SGCZ: variants seen among roughly 807,000 people sequenced by gnomAD.
SGCZ encodes the protein zeta-sarcoglycan.
SGCZ carries 40 observed loss-of-function variants against 41.3 expected under a neutral mutation model. That is an observed-to-expected ratio of 0.97 (90% CI 0.75 to 1.26). The LOEUF (loss-of-function observed/expected upper bound fraction) is 1.26. SGCZ is among the 50% of genes most tolerant of loss of function. The pLI, the probability that SGCZ is intolerant of heterozygous loss-of-function variation, is 0.00. For synonymous variants in SGCZ, 206 were observed against 137.5 expected, an observed-to-expected ratio of 1.50 and a Z score of -3.49; for missense variants, 552 against 369.8, an observed-to-expected ratio of 1.49 and a Z score of -4.04.
intron 1 of SGCZ, among the ~76,000 whole-genome samples, chr8:14,586,416 G>A (rs1279243358): frequency 6.6e-6 from 1 of 152,110 alleles, no homozygotes; most frequent in Non-Finnish European, 1.5e-5. Context: ...GTTTTTCCAT[G>A]TTGGCCAGGC....
intron 1 of SGCZ, among the ~76,000 whole-genome samples, chr8:14,587,553 A>G (rs1428937777): frequency 6.6e-6 from 1 of 152,196 alleles, no homozygotes; most frequent in East Asian, 1.9e-4. Flanking sequence ...ATATATTGTT[A>G]GTAACTCTTT....
intron 1 of SGCZ, among the ~76,000 whole-genome samples, chr8:14,846,450 A>C (rs571381105): frequency 8.5e-5 from 13 of 152,226 alleles, no homozygotes; most frequent in Non-Finnish European, 1.0e-4. Context: ...AGGAACATAC[A>C]GGAAGAAGAA....
intron 2 of SGCZ, among the ~76,000 whole-genome samples, chr8:14,500,039 G>C (rs990306815): frequency 2.0e-5 from 3 of 152,028 alleles, no homozygotes; most frequent in Middle Eastern, 3.2e-3. Context: ...ATTGCCTCTA[G>C]TTTAAAACCT....
intron 3 of SGCZ, among the ~76,000 whole-genome samples, chr8:14,298,717 C>G (rs1363518895): frequency 6.6e-6 from 1 of 151,930 alleles, no homozygotes; most frequent in Admixed American, 6.6e-5. Flanking sequence ...TGTAATATGT[C>G]AATGTATTGG....
At chr8:14,835,764 G>C (rs1325825078) in intron 1 of SGCZ, among the ~76,000 whole-genome samples, 1 of 152,152 alleles carries the variant, frequency 6.6e-6, no homozygotes, top group Non-Finnish European at 1.5e-5. Context: ...TTACATTCCT[G>C]AGGCCAAAAG....
chr8:14,843,802 T>C (rs1803006204), intron 1 of SGCZ, among the ~76,000 whole-genome samples: 1 of 152,016 alleles, frequency 6.6e-6, no homozygotes. Flanking sequence ...TTGCCTTACA[T>C]TGCCTTATCT....
intron 1 of SGCZ, among the ~76,000 whole-genome samples, chr8:14,781,628 CATAAT>C (rs1458107255): frequency 3.9e-5 from 6 of 152,136 alleles, no homozygotes; most frequent in East Asian, 1.9e-4. Context: ...TTTCTAATAA[CATAAT>C]ATATATAGCA....
rs780989351 is a variant in SGCZ at position 14,108,257 on chromosome 8, C to G, written c.548-22G>C. 2.5e-5 allele frequency: 41 copies of G among 1,610,926 alleles called. No individual in the cohort carries two copies. The East Asian group carries it at 8.7e-4, about 34-fold the overall frequency. On this transcript the variant is annotated intron_variant, in intron 5 of 7. Coordinates refer to ENST00000382080, the MANE Select transcript of SGCZ (RefSeq NM_139167.4). The stretch of plus-strand genomic sequence containing the variant: ...GTGCCTGGGGGTAGCATGAATATAG[C>G]AGTCAGTATAAGCAAGTCCACACAG...
chr8:14,609,529 G>C (rs1805860031), intron 1 of SGCZ, among the ~76,000 whole-genome samples: 1 of 152,144 alleles, frequency 6.6e-6, no homozygotes, highest in South Asian at 2.1e-4. Context: ...ACTGAAGATA[G>C]AGGTAAATTT....
chr8:14,518,340 G>C (rs1009937701), intron 2 of SGCZ, among the ~76,000 whole-genome samples: 2 of 152,000 alleles, frequency 1.3e-5, no homozygotes, highest in African/African-American at 4.8e-5. Flanking sequence ...GTATGCTAGT[G>C]TGTATGTATG....
At chr8:15,201,842 T>C (rs1800901906) in intron 1 of SGCZ, among the ~76,000 whole-genome samples, 1 of 152,210 alleles carries the variant, frequency 6.6e-6, no homozygotes, top group Admixed American at 6.5e-5. Flanking sequence ...TACCCTGACA[T>C]CTCTATTTTT....
chr8:15,036,154 A>T (rs1292790277), intron 1 of SGCZ, among the ~76,000 whole-genome samples: 2 of 152,124 alleles, frequency 1.3e-5, no homozygotes, highest in Non-Finnish European at 2.9e-5. Flanking sequence ...GAGATGTTAC[A>T]CTAATACTAC....
intron 1 of SGCZ, among the ~76,000 whole-genome samples, chr8:15,111,428 T>TG (rs1366378700): frequency 6.6e-6 from 1 of 152,148 alleles, no homozygotes; most frequent in Non-Finnish European, 1.5e-5. Context: ...GGCCTCTGAT[T>TG]GGCCAAGGAC....
intron 1 of SGCZ, among the ~76,000 whole-genome samples, chr8:14,802,751 G>A (rs1346260553): frequency 1.3e-5 from 2 of 152,166 alleles, no homozygotes. Context: ...GAGCCCTAAG[G>A]AGTTAAAAGA....
At chr8:14,635,156 T>C (rs1359066139) in intron 1 of SGCZ, among the ~76,000 whole-genome samples, 2 of 151,910 alleles carry the variant, frequency 1.3e-5, no homozygotes, top group African/African-American at 4.8e-5. Flanking sequence ...CATTCGCAGC[T>C]GTCAGTAAAT....
At chr8:14,211,903 A>G (rs34972118) in intron 4 of SGCZ, among the ~76,000 whole-genome samples, 36,663 of 152,008 alleles carry the variant, frequency 0.24, 5,590 homozygotes, top group Non-Finnish European at 0.34. Context: ...GTGGTACCAC[A>G]ACTTCTCTGC....
intron 5 of SGCZ, among the ~76,000 whole-genome samples, chr8:14,154,537 G>C (rs1031458904): frequency 6.6e-5 from 10 of 152,026 alleles, no homozygotes; most frequent in African/African-American, 2.4e-4. Context: ...TAATAATTTT[G>C]TTGCAAATTT....
chr8:14,988,019 T>C (rs1402330756), intron 1 of SGCZ, among the ~76,000 whole-genome samples: 3 of 151,964 alleles, frequency 2.0e-5, no homozygotes, highest in Non-Finnish European at 4.4e-5. Flanking sequence ...TATTTAACAT[T>C]TCTTATTTGA....
At chr8:14,558,297 G>A (rs1804094380) in intron 1 of SGCZ, among the ~76,000 whole-genome samples, 1 of 152,026 alleles carries the variant, frequency 6.6e-6, no homozygotes, top group Non-Finnish European at 1.5e-5. Flanking sequence ...AGAGGGAGCT[G>A]GGCACAGTGG....
Sources: gnomAD v4.1 joint callset for allele counts (sites outside exome capture counted in the v4.1 genomes callset) on GRCh38, gnomAD v4.1.1 for gene constraint, MANE v1.5 for transcripts, NCBI Gene and HGNC (gene_info 2026-07-23, HGNC 2026-07-21) for gene names.